SYT1: variants seen among roughly 807,000 people sequenced by gnomAD.
SYT1 encodes the protein synaptotagmin-1.
In SYT1, 8 loss-of-function variants were observed where a neutral mutation model predicts 44.8. The observed-to-expected ratio is 0.18, with a 90% CI of 0.10 to 0.32. The LOEUF (loss-of-function observed/expected upper bound fraction) is 0.32. Ranked by LOEUF, SYT1 falls within the 10% of genes least tolerant of loss-of-function variation. SYT1 has a pLI of 1.00. For synonymous variants in SYT1, 154 were observed against 188.8 expected (o/e 0.82, Z 1.51); for missense variants, 286 against 509.3 (o/e 0.56, Z 4.22).
At chr12:78,941,294 G>A (rs997111210) in intron 1 of SYT1, among the ~76,000 whole-genome samples, 1 of 150,364 alleles carries the variant, frequency 6.7e-6, no homozygotes, top group African/African-American at 2.4e-5. Context: ...GGATGGTCTC[G>A]ATCTCCTGAC....
chr12:79,229,668 A>G (rs1875746946), intron 4 of SYT1, among the ~76,000 whole-genome samples: 1 of 151,710 alleles, frequency 6.6e-6, no homozygotes, highest in Non-Finnish European at 1.5e-5. Flanking sequence ...ATCCCGGCTC[A>G]CTACAACTTC....
Position 79,139,276 on chromosome 12 carries a change from A to G in SYT1, c.-17-78227A>G, listed in dbSNP as rs77441225. Among the ~76,000 whole-genome samples, 804 of 152,334 alleles carry G rather than the reference A, an allele frequency of 5.3e-3. 7 individuals are homozygous for G. Among genetic ancestry groups the G allele is most frequent in the Non-Finnish European group, 8.8e-3 (602 of 68,028 alleles). On this transcript the variant is annotated intron_variant, in intron 3 of 10. Transcript: ENST00000261205. ...GAGAATTTGAGAGAAAGCAAGAATG[A>G]GAGAGTATAGAACGTCACAAAGATC...
intron 4 of SYT1, among the ~76,000 whole-genome samples, chr12:79,274,633 G>T (rs566047699): frequency 6.6e-6 from 1 of 152,272 alleles, no homozygotes; most frequent in South Asian, 2.1e-4. Flanking sequence ...GCAGACAATG[G>T]ATAGGGACTT....
intron 3 of SYT1, among the ~76,000 whole-genome samples, chr12:79,117,566 T>C (rs1000169174): frequency 3.3e-5 from 5 of 149,436 alleles, no homozygotes; most frequent in Admixed American, 2.7e-4. Context: ...AGACCCCAGC[T>C]TCTGCCCATG....
At chr12:79,328,500 C>A (rs1881706137) in intron 8 of SYT1, among the ~76,000 whole-genome samples, 1 of 152,150 alleles carries the variant, frequency 6.6e-6, no homozygotes, top group Non-Finnish European at 1.5e-5. Flanking sequence ...AGTCAAGGAG[C>A]ATTATTTAAT....
In SYT1 at chr12:79,055,900, A is replaced by T. The variant is rs557894731; in HGVS notation, c.-18+8538A>T. ...AGTCATGTACCACCTAACAAATTTC[A>T]GTCAATGATGGACTGCATATATAGC... is the stretch of plus-strand genomic sequence containing the variant. On this transcript the variant is annotated intron_variant, in intron 3 of 10. Coordinates refer to ENST00000261205, the MANE Select transcript of SYT1 (RefSeq NM_005639.3). Among the ~76,000 whole-genome samples the T allele has an allele frequency of 1.4e-4, 21 of 152,146 alleles. No individual in the cohort carries two copies. The South Asian group carries it at 2.1e-3, about 15-fold the overall frequency.
chr12:79,349,037 G>GAA (rs1234805611), intron 8 of SYT1, among the ~76,000 whole-genome samples: 1,246 of 96,428 alleles, frequency 0.013, 14 homozygotes, highest in Admixed American at 0.057. Context: ...GAAAGAAAAA[G>GAA]AAAGAAAGAA....
At chr12:79,138,276 A>AATCATGTTGCAACCAAAGC (rs1222529602) in intron 3 of SYT1, among the ~76,000 whole-genome samples, 100 of 152,344 alleles carry the variant, frequency 6.6e-4, no homozygotes, top group African/African-American at 2.4e-3. Context: ...AAAGCAACTG[A>AATCATGTTGCAACCAAAGC]AACCAATGAA....
At chr12:79,116,668 C>T (rs1161331686) in intron 3 of SYT1, among the ~76,000 whole-genome samples, 2 of 152,190 alleles carry the variant, frequency 1.3e-5, no homozygotes, top group Non-Finnish European at 2.9e-5. Flanking sequence ...ATATTCTTCC[C>T]TAAGCAGACA....
rs148383951 is a variant in SYT1 at position 79,342,891 on chromosome 12, G to T, written c.811-10611G>T. Among the ~76,000 whole-genome samples the T allele has an allele frequency of 2.8e-4, 43 of 152,302 alleles. No individual in the cohort carries two copies. In the East Asian group the frequency reaches 6.6e-3, roughly 23 times the overall value. On this transcript the variant is annotated intron_variant, in intron 8 of 10. Coordinates refer to ENST00000261205, the MANE Select transcript of SYT1 (RefSeq NM_005639.3). ...GACTAGTGGACAGTTAGATATAAAA[G>T]TCTGGGGCTTAGAGAAAATATCTAA...
At chr12:78,903,703 A>G (rs1875796195) in intron 1 of SYT1, among the ~76,000 whole-genome samples, 1 of 152,160 alleles carries the variant, frequency 6.6e-6, no homozygotes, top group Non-Finnish European at 1.5e-5. Flanking sequence ...AGAGATACAC[A>G]TATATTAATT....
chr12:79,216,935 A>G (rs1267430001), intron 3 of SYT1, among the ~76,000 whole-genome samples: 1 of 152,070 alleles, frequency 6.6e-6, no homozygotes, highest in East Asian at 1.9e-4. Context: ...TGGGGTGAAA[A>G]CTTACCATCA....
At position 78,867,611 on chromosome 12, in the gene SYT1, G is replaced by A. The variant is rs1873611766; in HGVS notation, c.-217+2502G>A. Among the ~76,000 whole-genome samples the A allele has an allele frequency of 2.0e-5, 3 of 151,868 alleles. 1 individual carries two copies. The South Asian group carries it at 6.2e-4, about 31-fold the overall frequency. Reference sequence around the variant, plus strand: ...GTTTCAGAGTAAATATGATAATTATGCCTCGAGGTATTTTTGTCAGAATTG... The same window carrying A: ...GTTTCAGAGTAAATATGATAATTATACCTCGAGGTATTTTTGTCAGAATTG... On this transcript the variant is annotated intron_variant, in intron 1 of 10. Transcript: ENST00000261205.
intron 3 of SYT1, among the ~76,000 whole-genome samples, chr12:79,175,379 G>C (rs147696474): frequency 6.6e-6 from 1 of 152,036 alleles, no homozygotes; most frequent in Admixed American, 6.6e-5. Context: ...TTTAGTCTCA[G>C]TTTGTCTGTA....
At chr12:79,418,283 C>T (rs937771858) in intron 9 of SYT1, among the ~76,000 whole-genome samples, 2 of 152,038 alleles carry the variant, frequency 1.3e-5, no homozygotes, top group African/African-American at 4.8e-5. Context: ...ACTTGGTGCC[C>T]GAATGATCAT....
intron 5 of SYT1, chr12:79,291,768 A>G (rs1007433163): frequency 1.2e-5 from 7 of 606,820 alleles, no homozygotes; most frequent in African/African-American, 7.3e-5. Flanking sequence ...TTTGCTTGCA[A>G]TATTCTGAGG....
intron 9 of SYT1, among the ~76,000 whole-genome samples, chr12:79,435,330 G>A (rs1019321016): frequency 2.2e-4 from 34 of 151,970 alleles, no homozygotes; most frequent in African/African-American, 7.5e-4. Flanking sequence ...TTCTTTTTTT[G>A]TCTTTTGTTT....
At chr12:79,076,525 C>A (rs1276659739) in intron 3 of SYT1, among the ~76,000 whole-genome samples, 1 of 152,170 alleles carries the variant, frequency 6.6e-6, no homozygotes, top group Admixed American at 6.6e-5. Context: ...TAAAAAGTTT[C>A]AGAATTTTCT....
chr12:79,366,396 A>G (rs1401997902), intron 9 of SYT1, among the ~76,000 whole-genome samples: 1 of 152,288 alleles, frequency 6.6e-6, no homozygotes, highest in African/African-American at 2.4e-5. Context: ...AAAAACCTTA[A>G]AAGCCTCCCA....
Sources: allele counts gnomAD v4.1 joint callset (sites outside exome capture counted in the v4.1 genomes callset), GRCh38; gene constraint gnomAD v4.1.1; transcripts MANE v1.5; gene names NCBI Gene and HGNC (gene_info 2026-07-23, HGNC 2026-07-21).